The following GHR variants were observed in gnomAD, a reference collection of about 807,000 sequenced individuals.
GHR encodes the protein GH receptor.
A neutral mutation model predicts 67.1 loss-of-function variants in GHR; 35 were observed. The observed-to-expected ratio is 0.52, with a 90% CI of 0.40 to 0.69. The LOEUF is 0.69. Ranked by LOEUF, GHR falls within the 30% of genes least tolerant of loss-of-function variation. The pLI, the probability that GHR is intolerant of heterozygous loss-of-function variation, is 0.00. For missense variants in GHR, 792 were observed against 764.6 expected (o/e 1.04, Z -0.42); for synonymous variants, 272 against 269.1 (o/e 1.01, Z -0.10).
chr5:42,576,064 TAAAATAAAATAAAA>T (rs1750664669), intron 2 of GHR, among the ~76,000 whole-genome samples: 1 of 66,244 alleles, frequency 1.5e-5, no homozygotes, highest in African/African-American at 8.7e-5. Context: ...TAAAATAAAA[TAAAATAAAATAAAA>T]TAAAATAAAA....
intron 2 of GHR, among the ~76,000 whole-genome samples, chr5:42,569,658 T>G (rs1750163647): frequency 6.6e-6 from 1 of 152,072 alleles, no homozygotes; most frequent in Non-Finnish European, 1.5e-5. Context: ...ACATGTAATA[T>G]TGATATATAA....
intron 3 of GHR, among the ~76,000 whole-genome samples, chr5:42,633,471 G>T (rs972471902): frequency 1.3e-5 from 2 of 152,114 alleles, no homozygotes; most frequent in Non-Finnish European, 2.9e-5. Flanking sequence ...AAAAACTTTT[G>T]CAGGACAAAA....
chr5:42,711,067 CAA>C, intron 6 of GHR, 138 bp from the exon 7 acceptor site: 1 of 707,786 alleles, frequency 1.4e-6, no homozygotes, highest in Admixed American at 2.1e-5. Flanking sequence ...CTTTAAATAA[CAA>C]ATGCTCACAA....
At chr5:42,513,288 G>A (rs1747099839) in intron 1 of GHR, among the ~76,000 whole-genome samples, 1 of 152,128 alleles carries the variant, frequency 6.6e-6, no homozygotes, top group South Asian at 2.1e-4. Context: ...ATCTCCTAGG[G>A]CTATAATAGG....
chr5:42,488,728 G>A (rs755551898), intron 1 of GHR, among the ~76,000 whole-genome samples: 1 of 152,188 alleles, frequency 6.6e-6, no homozygotes, highest in Non-Finnish European at 1.5e-5. Context: ...AAATTGCTCA[G>A]TTAGGGACTC....
chr5:42,638,871 A>G (rs76990621), intron 3 of GHR, among the ~76,000 whole-genome samples: 2,427 of 152,278 alleles, frequency 0.016, 104 homozygotes, highest in East Asian at 0.14. Flanking sequence ...TTTTATTTCT[A>G]ATGACATATA....
At chr5:42,460,252 G>A (rs1744432638) in intron 1 of GHR, among the ~76,000 whole-genome samples, 1 of 152,146 alleles carries the variant, frequency 6.6e-6, no homozygotes, top group South Asian at 2.1e-4. Context: ...ATTTTTTGTT[G>A]TTTAAATCAC....
At chr5:42,563,549 C>T (rs866103838) in intron 1 of GHR, among the ~76,000 whole-genome samples, 1 of 139,340 alleles carries the variant, frequency 7.2e-6, no homozygotes, top group Non-Finnish European at 1.5e-5. Flanking sequence ...ACCCGGGAAG[C>T]GGAGCTTGCA....
chr5:42,499,464 CAT>C (rs35898279), intron 1 of GHR, among the ~76,000 whole-genome samples: 20 of 152,256 alleles, frequency 1.3e-4, no homozygotes, highest in African/African-American at 4.6e-4. Context: ...TGTGAACACT[CAT>C]GTGTACAGTT....
At chr5:42,672,246 A>G (rs1421250128) in intron 3 of GHR, among the ~76,000 whole-genome samples, 1 of 152,184 alleles carries the variant, frequency 6.6e-6, no homozygotes, top group East Asian at 1.9e-4. Context: ...AGAAAAACCT[A>G]AAGGCTCCAC....
chr5:42,581,714 G>T (rs952408970), intron 2 of GHR, among the ~76,000 whole-genome samples: 8 of 152,142 alleles, frequency 5.3e-5, no homozygotes, highest in African/African-American at 1.9e-4. Context: ...CGGCTGTAGT[G>T]GGGGAGGTGC....
chr5:42,446,215 G>A (rs904930767), intron 1 of GHR, among the ~76,000 whole-genome samples: 22 of 152,312 alleles, frequency 1.4e-4, no homozygotes, highest in African/African-American at 5.3e-4. Flanking sequence ...AGGCAGGAAC[G>A]ATGGAAGCAG....
At chr5:42,632,053 T>C (rs1409544384) in intron 3 of GHR, among the ~76,000 whole-genome samples, 1 of 152,138 alleles carries the variant, frequency 6.6e-6, no homozygotes, top group African/African-American at 2.4e-5. Flanking sequence ...CTTGCATCTA[T>C]CTTCCCCTGC....
chr5:42,711,359 T>C lies in GHR; in HGVS notation c.771T>C (p.Phe257=), dbSNP rs1249109817. 1 of 1,610,634 alleles carries C rather than the reference T, an allele frequency of 6.2e-7. No homozygotes were observed. Among genetic ancestry groups the C allele is most frequent in the Non-Finnish European group, 8.5e-7 (1 of 1,176,918 alleles). ...TAACACTTCCTCAGATGAGCCAATT[T>C]ACATGTGAAGAAGGTAAAAGAAATA... ...LYVTLPQMSQ[F]TCEEDFYFPW... is the part of the protein sequence containing the mutation. Residue 257 remains phenylalanine (F), a synonymous_variant, in exon 7 of 10, where the codon TTT becomes TTC. Coordinates refer to ENST00000230882, the MANE Select transcript of GHR (RefSeq NM_000163.5).
chr5:42,688,202 C>T (rs1476269332), intron 3 of GHR, among the ~76,000 whole-genome samples: 4 of 152,190 alleles, frequency 2.6e-5, no homozygotes, highest in Admixed American at 6.5e-5. Context: ...CACACTACAT[C>T]CCCCACATCC....
intron 2 of GHR, among the ~76,000 whole-genome samples, chr5:42,581,048 G>T (rs1318573179): frequency 5.9e-5 from 9 of 152,168 alleles, no homozygotes; most frequent in Admixed American, 5.9e-4. Flanking sequence ...TCTCTTGATT[G>T]CCATTACAAA....
At chr5:42,676,403 A>G (rs1278562632) in intron 3 of GHR, among the ~76,000 whole-genome samples, 1 of 152,260 alleles carries the variant, frequency 6.6e-6, no homozygotes, top group Non-Finnish European at 1.5e-5. Context: ...TTAATTCTAC[A>G]GAGAATCATG....
Position 42,424,448 on chromosome 5 carries a change from G to T in GHR, c.-12+493G>T. ...CGCGGGGAAGAATCCCCGGCAGCGC[G>T]ACTGGAGAGACTGGGGAGGTCGAGC... On this transcript the variant is annotated intron_variant, in intron 1 of 9. Coordinates refer to ENST00000230882, the MANE Select transcript of GHR (RefSeq NM_000163.5). This position sits in a 1 kb window ranked among gnomAD's most constrained non-coding sequence, Gnocchi z 4.1. 4 of 680,552 alleles carry T rather than the reference G, an allele frequency of 5.9e-6. No homozygotes were observed. Among genetic ancestry groups the T allele is most frequent in the South Asian group, 5.1e-5 (3 of 58,902 alleles). The allele number at this position is 680,552 out of a possible 1,614,324, so 42.2% of individuals were successfully genotyped here. A position where few individuals can be genotyped will look rare whatever the true frequency, so the allele number is the denominator to read the frequency against.
intron 2 of GHR, among the ~76,000 whole-genome samples, chr5:42,573,760 G>A (rs1018924143): frequency 6.6e-6 from 1 of 152,100 alleles, no homozygotes; most frequent in African/African-American, 2.4e-5. Flanking sequence ...ATTTTCCAAT[G>A]AGAGCACATG....
Sources: allele counts gnomAD v4.1 joint callset (sites outside exome capture counted in the v4.1 genomes callset), GRCh38; gene constraint gnomAD v4.1.1; non-coding constraint Gnocchi (gnomAD v3.1); transcripts MANE v1.5; gene names NCBI Gene and HGNC (gene_info 2026-07-23, HGNC 2026-07-21).